The following DNAJC3 variants were observed in gnomAD, a reference collection of about 807,000 sequenced individuals.
The protein encoded by DNAJC3 is dnaJ homolog subfamily C member 3.
Under a neutral mutation model 68.6 loss-of-function variants are expected in DNAJC3, and 38 were observed. The ratio of observed to expected loss-of-function variants is 0.55; its 90% CI spans 0.43 to 0.73. The LOEUF (loss-of-function observed/expected upper bound fraction) is 0.73. Ranked by LOEUF, DNAJC3 falls within the 30% of genes least tolerant of loss-of-function variation. The pLI, the probability that DNAJC3 is intolerant of heterozygous loss-of-function variation, is 0.00. For synonymous variants in DNAJC3, 203 were observed against 204.0 expected (o/e 1.00, Z 0.04); for missense variants, 526 against 591.9 (o/e 0.89, Z 1.16).
intron 9 of DNAJC3, among the ~76,000 whole-genome samples, chr13:95,774,736 A>G (rs1391071162): frequency 6.6e-6 from 1 of 152,136 alleles, no homozygotes; most frequent in African/African-American, 2.4e-5. Context: ...GTTCCTGTTG[A>G]TCACTGGCAA....
intron 4 of DNAJC3, among the ~76,000 whole-genome samples, chr13:95,733,653 G>A (rs535582983): frequency 6.0e-5 from 9 of 150,668 alleles, no homozygotes; most frequent in African/African-American, 2.2e-4. Context: ...GCCTGCCCTG[G>A]CCTCGCAAAG....
At position 95,709,257 on chromosome 13, in the gene DNAJC3, A is replaced by G; in HGVS notation, c.113A>G (p.Glu38Gly). Residue 38 changes from glutamate to glycine, a missense_variant, in exon 2 of 12, where the codon GAG becomes GGG. Transcript: ENST00000602402. The stretch of plus-strand genomic sequence containing the variant: ...GAATGTGGAGTAAATGCAGATGTTG[A>G]GAAACATCTTGAATTGGGCAAGAAA... Reference protein sequence around the residue: ...GAECGVNADVEKHLELGKKLL... With the variant: ...GAECGVNADVGKHLELGKKLL... 6.3e-7 allele frequency: 1 copy of G among 1,583,408 alleles called. No individual in the cohort carries two copies. Among genetic ancestry groups the G allele is most frequent in the South Asian group, 1.2e-5 (1 of 84,208 alleles).
intron 1 of DNAJC3, among the ~76,000 whole-genome samples, chr13:95,690,903 T>A (rs1191499795): frequency 2.4e-5 from 3 of 124,350 alleles, no homozygotes; most frequent in Non-Finnish European, 5.0e-5. Flanking sequence ...ACGGGGCGGC[T>A]GGCCGGGCGG....
chr13:95,742,578 G>C, intron 4 of DNAJC3: 5 of 461,418 alleles, frequency 1.1e-5, no homozygotes, highest in South Asian at 8.3e-5. Context: ...GAGCCTCTTT[G>C]GGCTCTTATC....
intron 2 of DNAJC3, among the ~76,000 whole-genome samples, chr13:95,709,628 C>CTTT (rs955053415): frequency 2.6e-3 from 292 of 112,174 alleles, no homozygotes; most frequent in African/African-American, 3.3e-3. Context: ...TGGCTTCTGA[C>CTTT]TTTTTTTTTT....
intron 4 of DNAJC3, among the ~76,000 whole-genome samples, chr13:95,734,814 CTCT>C (rs1881840302): frequency 7.0e-6 from 1 of 142,096 alleles, no homozygotes; most frequent in South Asian, 2.2e-4. Context: ...ATTGTTGAAG[CTCT>C]TTTTTTTTTT....
intron 4 of DNAJC3, among the ~76,000 whole-genome samples, chr13:95,754,228 C>G (rs536879943): frequency 5.3e-5 from 8 of 152,302 alleles, no homozygotes; most frequent in African/African-American, 1.9e-4. Context: ...TAAACTTACT[C>G]AGCTGGCAGG....
intron 1 of DNAJC3, among the ~76,000 whole-genome samples, chr13:95,679,459 G>A (rs955661259): frequency 2.0e-5 from 3 of 152,052 alleles, no homozygotes; most frequent in African/African-American, 7.2e-5. Flanking sequence ...TTAGGTGTCT[G>A]CTATGTATTT....
chr13:95,689,146 C>CG (rs1044564357), intron 1 of DNAJC3, among the ~76,000 whole-genome samples: 18 of 133,492 alleles, frequency 1.3e-4, no homozygotes, highest in Middle Eastern at 3.8e-3. Flanking sequence ...TTTTTTTTTT[C>CG]GGGGGGGAAT....
At position 95,723,478 on chromosome 13, in the gene DNAJC3, C is replaced by T. The variant is rs1365456049; in HGVS notation, c.318+112C>T. The stretch of plus-strand genomic sequence containing the variant: ...TAGACATAGCTGGAAGAGATCAAAG[C>T]TACAGTGATGTTGTGGACTGAGGAA... On this transcript the variant is annotated intron_variant, in intron 3 of 11. Transcript: ENST00000602402. 6 of 1,223,768 alleles carry T rather than the reference C, an allele frequency of 4.9e-6. No individual in the cohort carries two copies. In the African/African-American group the frequency reaches 9.0e-5, roughly 18 times the overall value. The allele number at this position is 1,223,768 out of a possible 1,614,324, so 75.8% of individuals were successfully genotyped here.
At chr13:95,773,602 ATAT>A (rs1190507104) in intron 9 of DNAJC3, among the ~76,000 whole-genome samples, 5 of 151,930 alleles carry the variant, frequency 3.3e-5, no homozygotes, top group African/African-American at 4.8e-5. Context: ...GAAGTTCATA[ATAT>A]TATCTTATTA....
chr13:95,762,206 G>A (rs1020891130), intron 7 of DNAJC3, among the ~76,000 whole-genome samples: 4 of 152,124 alleles, frequency 2.6e-5, no homozygotes, highest in Admixed American at 2.0e-4. Context: ...AGGTTGCGGT[G>A]AGCCGAGATT....
intron 1 of DNAJC3, 102 bp downstream of exon 1, chr13:95,677,439 TG>T: frequency 8.1e-7 from 1 of 1,234,610 alleles, no homozygotes; most frequent in Non-Finnish European, 1.1e-6. Context: ...GCTCGGGAGG[TG>T]GGGCGAGCGC....
At chr13:95,788,082 A>C (rs1427236004) in intron 11 of DNAJC3, among the ~76,000 whole-genome samples, 1 of 152,218 alleles carries the variant, frequency 6.6e-6, no homozygotes, top group Non-Finnish European at 1.5e-5. Flanking sequence ...TTTTCAAGTA[A>C]TTTATAATCC....
chr13:95,695,095 G>A (rs1307719722), intron 1 of DNAJC3: 4 of 152,050 alleles, frequency 2.6e-5, no homozygotes, highest in Non-Finnish European at 5.9e-5. Flanking sequence ...AGCCACTATT[G>A]CATGACTTTT....
At chr13:95,764,324 T>C (rs1438039195) in intron 9 of DNAJC3, among the ~76,000 whole-genome samples, 1 of 150,752 alleles carries the variant, frequency 6.6e-6, no homozygotes, top group Non-Finnish European at 1.5e-5. Context: ...TATATTACTC[T>C]ATATTTTATG....
At chr13:95,763,436 A>G (rs1022626103) in intron 7 of DNAJC3, among the ~76,000 whole-genome samples, 4 of 152,040 alleles carry the variant, frequency 2.6e-5, no homozygotes, top group African/African-American at 9.7e-5. Flanking sequence ...TGCATCTCCT[A>G]TGGTCATATG....
At chr13:95,768,043 C>T (rs1303877102) in intron 9 of DNAJC3, among the ~76,000 whole-genome samples, 1 of 151,892 alleles carries the variant, frequency 6.6e-6, no homozygotes, top group Non-Finnish European at 1.5e-5. Flanking sequence ...CAATAGTAGC[C>T]ATCTTAATGG....
chr13:95,677,437 G>A, intron 1 of DNAJC3, 100 bp downstream of exon 1: 1 of 1,251,844 alleles, frequency 8.0e-7, no homozygotes, highest in Admixed American at 3.2e-5. Flanking sequence ...CGGCTCGGGA[G>A]GTGGGGCGAG....
Sources: gnomAD v4.1 joint callset for allele counts (sites outside exome capture counted in the v4.1 genomes callset) on GRCh38, gnomAD v4.1.1 for gene constraint, MANE v1.5 for transcripts, NCBI Gene and HGNC (gene_info 2026-07-23, HGNC 2026-07-21) for gene names.